Variants in DTWD2 observed in about 807,000 individuals in gnomAD.
DTWD2 encodes tRNA-uridine aminocarboxypropyltransferase 2.
A neutral mutation model predicts 31.8 loss-of-function variants in DTWD2; 39 were observed. That is an observed-to-expected ratio of 1.22 (90% confidence interval 0.95 to 1.60). The LOEUF is 1.60. Ranked by LOEUF, DTWD2 falls within the 40% of genes most tolerant of loss-of-function variation. The probability of loss-of-function intolerance (pLI) is 0.00; values close to 1 mark genes in which losing one functional copy is unlikely to be tolerated. For missense variants in DTWD2, 515 were observed against 381.5 expected, an observed-to-expected ratio of 1.35 and a Z score of -2.92; for synonymous variants, 180 against 142.8, an observed-to-expected ratio of 1.26 and a Z score of -1.86.
At chr5:118,869,316 T>G (rs1580776637) in intron 4 of DTWD2, among the ~76,000 whole-genome samples, 1 of 152,116 alleles carries the variant, frequency 6.6e-6, no homozygotes, top group South Asian at 2.1e-4. Flanking sequence ...GGGATCTGAT[T>G]GGTAGAAATG....
At chr5:118,966,397 G>T (rs1248363416) in intron 1 of DTWD2, among the ~76,000 whole-genome samples, 1 of 152,180 alleles carries the variant, frequency 6.6e-6, no homozygotes, top group Non-Finnish European at 1.5e-5. Flanking sequence ...TTTTTCTTCT[G>T]AGTATACACC....
chr5:118,970,181 C>T (rs1295917559), intron 1 of DTWD2, among the ~76,000 whole-genome samples: 1 of 152,218 alleles, frequency 6.6e-6, no homozygotes, highest in Non-Finnish European at 1.5e-5. Flanking sequence ...AATCCCATCA[C>T]TTTGGGAGGC....
chr5:118,881,713 G>A (rs1016331392), intron 4 of DTWD2, among the ~76,000 whole-genome samples: 7 of 152,096 alleles, frequency 4.6e-5, no homozygotes, highest in Non-Finnish European at 1.0e-4. Context: ...AACAGCAGGA[G>A]AGAGAGAGAG....
chr5:118,843,976 A>C (rs1354309835), intron 5 of DTWD2, among the ~76,000 whole-genome samples: 1 of 152,244 alleles, frequency 6.6e-6, no homozygotes, highest in African/African-American at 2.4e-5. Flanking sequence ...AAAGTGGTAT[A>C]GGATACACCA....
chr5:118,855,219 T>G (rs1752103324), intron 4 of DTWD2, among the ~76,000 whole-genome samples: 1 of 145,160 alleles, frequency 6.9e-6, no homozygotes, highest in Non-Finnish European at 1.5e-5. Flanking sequence ...AGTGTAAATA[T>G]GTAATTACAA....
At chr5:118,897,169 G>A (rs1329949013) in intron 4 of DTWD2, among the ~76,000 whole-genome samples, 3 of 152,158 alleles carry the variant, frequency 2.0e-5, no homozygotes, top group Non-Finnish European at 4.4e-5. Context: ...AGAATACAAA[G>A]CAAAATCAGC....
chr5:118,928,466 T>A, intron 4 of DTWD2, 71 bp downstream of exon 4: 1 of 1,125,774 alleles, frequency 8.9e-7, no homozygotes. Flanking sequence ...TGTGTATCCC[T>A]TCACAGAAAA....
chr5:118,892,628 G>A (rs955572314), intron 4 of DTWD2, among the ~76,000 whole-genome samples: 1 of 151,578 alleles, frequency 6.6e-6, no homozygotes, highest in African/African-American at 2.4e-5. Flanking sequence ...CTGTCCAATC[G>A]ACAAAAAACA....
chr5:118,919,502 G>A (rs958279461), intron 4 of DTWD2, among the ~76,000 whole-genome samples: 51 of 152,236 alleles, frequency 3.4e-4, no homozygotes, highest in African/African-American at 1.2e-3. Flanking sequence ...TCAAAGGCAT[G>A]TGTACCATTC....
intron 4 of DTWD2, among the ~76,000 whole-genome samples, chr5:118,897,102 G>T (rs1039627170): frequency 6.6e-6 from 1 of 152,152 alleles, no homozygotes; most frequent in Non-Finnish European, 1.5e-5. Flanking sequence ...GTGATTCTCT[G>T]GGACTCACAG....
At chr5:118,932,687 A>G (rs1223562287) in intron 3 of DTWD2, among the ~76,000 whole-genome samples, 1 of 152,228 alleles carries the variant, frequency 6.6e-6, no homozygotes, top group African/African-American at 2.4e-5. Context: ...TGGCAGGGGC[A>G]CACCTGTTCA....
At position 118,944,589 on chromosome 5, in the gene DTWD2, G is replaced by A. The variant is rs368362806; in HGVS notation, c.279C>T (p.Thr93=). Residue 93 remains threonine (T), a synonymous_variant, in exon 2 of 6, where the codon ACC becomes ACT. Coordinates refer to ENST00000510708, the MANE Select transcript of DTWD2 (RefSeq NM_173666.4). Reference sequence around the variant, plus strand: ...CTGGATGCTGAATTATGTACAAGTGGGTAGAGATATGCAGAGGGTGCGCTG... The same window carrying A: ...CTGGATGCTGAATTATGTACAAGTGAGTAGAGATATGCAGAGGGTGCGCTG... The part of the protein sequence containing the change: ...FLPAHPLHIS[T]HLYIIQHPAE... 6.8e-6 allele frequency: 11 copies of A among 1,613,322 alleles called. No homozygotes were observed. In the Admixed American group the frequency reaches 8.3e-5, roughly 12 times the overall value.
At chr5:118,870,970 GCTTATATAATATTCTAAAT>G (rs1752489152) in intron 4 of DTWD2, among the ~76,000 whole-genome samples, 1 of 149,172 alleles carries the variant, frequency 6.7e-6, no homozygotes, top group Admixed American at 6.7e-5. Flanking sequence ...ATATAACTAA[GCTTATATAATATTCTAAAT>G]CTTATATAAT....
chr5:118,844,103 C>A (rs1042539997), intron 5 of DTWD2, among the ~76,000 whole-genome samples: 2 of 152,182 alleles, frequency 1.3e-5, no homozygotes, highest in African/African-American at 4.8e-5. Context: ...TCCCACTGGA[C>A]AAACAGCATG....
chr5:118,961,149 G>A (rs924403120), intron 1 of DTWD2, among the ~76,000 whole-genome samples: 10 of 152,146 alleles, frequency 6.6e-5, no homozygotes, highest in South Asian at 6.2e-4. Context: ...GAGAACAAAC[G>A]TCTCATGTCT....
At chr5:118,960,345 C>G in intron 1 of DTWD2, among the ~76,000 whole-genome samples, 1 of 151,934 alleles carries the variant, frequency 6.6e-6, no homozygotes, top group East Asian at 1.9e-4. Context: ...TCACTAATCA[C>G]CAGAGAAATG....
At chr5:118,986,448 A>G (rs1194460654) in intron 1 of DTWD2, among the ~76,000 whole-genome samples, 1 of 152,218 alleles carries the variant, frequency 6.6e-6, no homozygotes, top group Non-Finnish European at 1.5e-5. Context: ...TCCTGAACAA[A>G]GCTAATTTCT....
intron 1 of DTWD2, among the ~76,000 whole-genome samples, chr5:118,975,493 T>C (rs1208156065): frequency 6.6e-6 from 1 of 152,174 alleles, no homozygotes; most frequent in Non-Finnish European, 1.5e-5. Flanking sequence ...CTCGGAGGAA[T>C]TTGATATTAC....
At position 118,837,317 on chromosome 5, in the gene DTWD2, C is replaced by T. The variant is rs1751596181; in HGVS notation, c.*3600G>A. Reference sequence around the variant, plus strand: ...GGCAAATTAAATGCAAAGTTTCATTCCATCTATAATGCAATATTATTTATT... The same window carrying T: ...GGCAAATTAAATGCAAAGTTTCATTTCATCTATAATGCAATATTATTTATT... On this transcript the variant is annotated 3_prime_UTR_variant, in exon 6 of 6. Transcript: ENST00000510708. The T allele has an allele frequency of 6.6e-6, 1 of 152,154 alleles. No homozygotes were observed. The highest frequency in any genetic ancestry group is 1.5e-5 in the Non-Finnish European group (1 of 68,024). The allele number at this position is 152,154 out of a possible 1,614,324, so 9.4% of individuals were successfully genotyped here.
Sources: gnomAD v4.1 joint callset for allele counts (sites outside exome capture counted in the v4.1 genomes callset) on GRCh38, gnomAD v4.1.1 for gene constraint, MANE v1.5 for transcripts, NCBI Gene and HGNC (gene_info 2026-07-23, HGNC 2026-07-21) for gene names.